Variants in TRAPPC11 observed in about 807,000 individuals in gnomAD.
TRAPPC11 encodes foie gras homolog.
In TRAPPC11, 104 loss-of-function variants were observed where a neutral mutation model predicts 151.2. The ratio of observed to expected loss-of-function variants is 0.69; its 90% CI spans 0.59 to 0.81. TRAPPC11 has a LOEUF of 0.81. Ranked by LOEUF, TRAPPC11 falls within the 30% of genes least tolerant of loss-of-function variation. The pLI, the probability that TRAPPC11 is intolerant of heterozygous loss-of-function variation, is 0.00. For missense variants in TRAPPC11, 1,230 were observed against 1,349.6 expected (o/e 0.91, Z 1.39); for synonymous variants, 456 against 472.3 (o/e 0.97, Z 0.45).
chr4:183,689,632 T>TC (rs1491118798), intron 18 of TRAPPC11, among the ~76,000 whole-genome samples: 1 of 117,734 alleles, frequency 8.5e-6, no homozygotes, highest in Non-Finnish European at 1.7e-5. Flanking sequence ...ACAAGGACTC[T>TC]TTTTTTTTTT....
At chr4:183,708,662 T>TTTGAGACCA in intron 29 of TRAPPC11, 88 bp downstream of exon 29, 1 of 1,244,834 alleles carries the variant, frequency 8.0e-7, no homozygotes, top group Non-Finnish European at 1.1e-6. Context: ...TGAACAGTAT[T>TTTGAGACCA]TTGAGACCAA....
intron 28 of TRAPPC11, 124 bp from the exon 29 acceptor site, chr4:183,708,283 G>A (rs935250371): frequency 1.0e-6 from 1 of 991,348 alleles, no homozygotes; most frequent in Non-Finnish European, 1.5e-6. Flanking sequence ...GACTAGGAGA[G>A]AGTGAATATT....
intron 11 of TRAPPC11, chr4:183,683,719 T>C (rs571075873): frequency 2.0e-6 from 1 of 488,608 alleles, no homozygotes; most frequent in Non-Finnish European, 3.7e-6. Flanking sequence ...TAGAGGATGA[T>C]ATTGACATTG....
chr4:183,694,654 T>C lies in TRAPPC11; in HGVS notation c.2559T>C (p.Phe853=). Residue 853 remains phenylalanine (F), a synonymous_variant, in exon 23 of 30, where the codon TTT becomes TTC. Transcript: ENST00000334690. ...GTGGAACAGTGGGTTCCAGAATGTT[T>C]CTTGTATATGTTTCTTACCTGATAA... ...VRCGTVGSRM[F]LVYVSYLINT... 1 of 1,612,548 alleles carries C rather than the reference T, an allele frequency of 6.2e-7. No individual in the cohort carries two copies.
At position 183,681,395 on chromosome 4, in the gene TRAPPC11, G is replaced by A. The variant is rs1467826940; in HGVS notation, c.1113+1128G>A. 4.0e-5 allele frequency among the ~76,000 whole-genome samples: 6 copies of A among 151,868 alleles called. No individual in the cohort carries two copies. In the East Asian group the frequency reaches 9.7e-4, roughly 24 times the overall value. On this transcript the variant is annotated intron_variant, in intron 10 of 29. Coordinates refer to ENST00000334690, the MANE Select transcript of TRAPPC11 (RefSeq NM_021942.6). ...TTATATTTCTAAAGTTTGGCATATT[G>A]TAATTTTGAACACAGTATTTTAAAA...
At chr4:183,709,882 C>T (rs192607246) in intron 29 of TRAPPC11, among the ~76,000 whole-genome samples, 2 of 152,256 alleles carry the variant, frequency 1.3e-5, no homozygotes, top group Admixed American at 1.3e-4. Context: ...AAAGACATTT[C>T]CATTGGCCCC....
chr4:183,694,945 C>CTTTT (rs34556587), intron 23 of TRAPPC11, among the ~76,000 whole-genome samples: 21 of 119,852 alleles, frequency 1.8e-4, no homozygotes, highest in Admixed American at 2.7e-4. Flanking sequence ...TATGGCTTTT[C>CTTTT]TTTTTTTTTT....
At position 183,691,353 on chromosome 4, in the gene TRAPPC11, A is replaced by T. The variant is rs762781327; in HGVS notation, c.1931A>T (p.Lys644Ile). 1.3e-6 allele frequency: 2 copies of T among 1,557,364 alleles called. No individual in the cohort carries two copies. Among genetic ancestry groups the T allele is most frequent in the Admixed American group, 3.4e-5 (2 of 58,584 alleles). The change falls in exon 19 of 30, where the codon AAA (lysine) becomes ATA (isoleucine). Residue 644 changes from lysine (K) to isoleucine (I), a missense_variant. By Grantham distance (102) the Lys-to-Ile change is moderately radical (BLOSUM62 -3). Transcript: ENST00000334690. ...NQFCVIEEAS[K>I]ANEVLENLTQ... Reference sequence around the variant, plus strand: ...TTCTGTGTAATAGAAGAAGCATCCAAAGCAAATGAAGTTTTAGAAAATCTG... The same window carrying T: ...TTCTGTGTAATAGAAGAAGCATCCATAGCAAATGAAGTTTTAGAAAATCTG...
chr4:183,664,816 T>A (rs1212292647), intron 2 of TRAPPC11, among the ~76,000 whole-genome samples: 2 of 152,168 alleles, frequency 1.3e-5, no homozygotes, highest in African/African-American at 4.8e-5. Context: ...CCTATCCTTT[T>A]TTTTTCTTTT....
rs977081946 is a variant in TRAPPC11 at position 183,712,706 on chromosome 4, C to T, written c.*62C>T. 4 of 1,508,120 alleles carry T rather than the reference C, an allele frequency of 2.7e-6. No individual in the cohort carries two copies. Among genetic ancestry groups the T allele is most frequent in the Non-Finnish European group, 3.7e-6 (4 of 1,085,932 alleles). 93.4% of individuals were successfully genotyped at this position (1,508,120 alleles called of 1,614,324 possible). ...GTTGGGCAGAGCTATGCAGGTGTTT[C>T]ATTGTGAACTCTAGCTTTGATCATG... On this transcript the variant is annotated 3_prime_UTR_variant, in exon 30 of 30. Coordinates refer to ENST00000334690, the MANE Select transcript of TRAPPC11 (RefSeq NM_021942.6).
Position 183,664,012 on chromosome 4 carries a change from G to A in TRAPPC11, c.145G>A (p.Val49Ile), listed in dbSNP as rs141909783. 5.6e-6 allele frequency: 9 copies of A among 1,613,900 alleles called. No individual in the cohort carries two copies. The highest frequency in any genetic ancestry group is 7.6e-6 in the Non-Finnish European group (9 of 1,180,014). The change falls in exon 2 of 30, where the codon GTA becomes ATA. Residue 49 changes from valine to isoleucine, a missense_variant. Transcript: ENST00000334690. ...CTGTGCAAATCGGAGAGCTGATCGA[G>A]TACCAATTTCTTTCAAGGTGCTCCC... The part of the protein sequence containing the change: ...AFCANRRADR[V>I]PISFKVLPGD...
At chr4:183,666,918 G>A in intron 3 of TRAPPC11, 142 bp from the exon 4 acceptor site, 1 of 575,364 alleles carries the variant, frequency 1.7e-6, no homozygotes, top group Non-Finnish European at 3.1e-6. Context: ...TGCTTTGTGT[G>A]CAGGAAAAGA....
rs781057098 is a variant in TRAPPC11, at chr4:183,684,863, A to G, written c.1567+22A>G. The G allele has an allele frequency of 6.9e-6, 11 of 1,596,266 alleles. No homozygotes were observed. The East Asian group carries it at 1.6e-4, about 23-fold the overall frequency. ...AGAGGTAACCTGATGTTTTTTGAGT[A>G]AAATTCTTGATACATAAAATTATTT... On this transcript the variant is annotated intron_variant, in intron 15 of 29. Coordinates refer to ENST00000334690, the MANE Select transcript of TRAPPC11 (RefSeq NM_021942.6).
chr4:183,681,861 A>T (rs1579186281), intron 10 of TRAPPC11, among the ~76,000 whole-genome samples: 1 of 152,206 alleles, frequency 6.6e-6, no homozygotes, highest in East Asian at 1.9e-4. Flanking sequence ...CTAGAATTTA[A>T]TTTTTGGAGA....
rs191021424 is a variant in TRAPPC11, at chr4:183,669,096, A to G, written c.560+979A>G. On this transcript the variant is annotated intron_variant, in intron 5 of 29. Coordinates refer to ENST00000334690, the MANE Select transcript of TRAPPC11 (RefSeq NM_021942.6). ...AGCAGAGAACATGCAGAGGAATAGG[A>G]TCAAATGAAAAGATGAATTGCAAAG... Among the ~76,000 whole-genome samples, 139 of 152,328 alleles carry G rather than the reference A, an allele frequency of 9.1e-4. 1 individual carries two copies. The highest frequency in any genetic ancestry group is 6.8e-3 in the Middle Eastern group (2 of 294).
chr4:183,705,725 C>T (rs758053543), intron 27 of TRAPPC11, among the ~76,000 whole-genome samples: 3 of 152,140 alleles, frequency 2.0e-5, no homozygotes, highest in Non-Finnish European at 4.4e-5. Context: ...TTCTCTGTCC[C>T]TATAAATTGG....
In TRAPPC11 at chr4:183,684,699, G is replaced by A; in HGVS notation, c.1425G>A (p.Leu475=). 1 of 1,613,776 alleles carries A rather than the reference G, an allele frequency of 6.2e-7. No homozygotes were observed. The highest frequency in any genetic ancestry group is 8.5e-7 in the Non-Finnish European group (1 of 1,179,870). The change falls in exon 15 of 30, where the codon TTG becomes TTA. Residue 475 remains leucine, a synonymous_variant. Transcript: ENST00000334690. The part of the protein sequence containing the change: ...YAKDYTKALK[L]LDYVMCDYRS... ...ATTACATTTTGTCTTCTTTGAGGTT[G>A]CTGGATTATGTGATGTGTGATTATC...
Position 183,683,966 on chromosome 4 carries a change from C to CT in TRAPPC11, c.1208-7dup. On this transcript the variant is annotated splice_polypyrimidine_tract_variant and intron_variant, in intron 11 of 29. Transcript: ENST00000334690. ...CTGTCTAAAATGAGTTGTGTCTCATCTTACGCAGGTTTTGATCTTTCTGAT... is the reference window on the plus strand; with the variant it reads ...CTGTCTAAAATGAGTTGTGTCTCATCTTTACGCAGGTTTTGATCTTTCTGAT... The CT allele has an allele frequency of 1.9e-6, 3 of 1,610,872 alleles. No homozygotes were observed. Among genetic ancestry groups the CT allele is most frequent in the Non-Finnish European group, 2.5e-6 (3 of 1,177,128 alleles).
rs1013225612 is a variant in TRAPPC11, at chr4:183,706,801, C to T, written c.3056-6C>T. ...ACCAAGAGAAGTGTGTCATCTTTCT[C>T]TGTAGATCTGCCGTCATTTGGGCGT... On this transcript the variant is annotated splice_polypyrimidine_tract_variant and splice_region_variant and intron_variant, in intron 27 of 29. Transcript: ENST00000334690. 1 of 1,610,114 alleles carries T rather than the reference C, an allele frequency of 6.2e-7. No individual in the cohort carries two copies. Among genetic ancestry groups the T allele is most frequent in the Non-Finnish European group, 8.5e-7 (1 of 1,177,630 alleles).
Sources: gnomAD v4.1 joint callset for allele counts (sites outside exome capture counted in the v4.1 genomes callset) on GRCh38, gnomAD v4.1.1 for gene constraint, MANE v1.5 for transcripts, NCBI Gene and HGNC (gene_info 2026-07-23, HGNC 2026-07-21) for gene names.